EYS: variants seen among roughly 807,000 people sequenced by gnomAD.
The protein encoded by EYS is EGF-like photoreceptor maintenance factor, also known as protein eyes shut homolog.
In EYS, 250 loss-of-function variants were observed where a neutral mutation model predicts 282.1. That is an observed-to-expected ratio of 0.89 (90% CI 0.80 to 0.98). EYS has a LOEUF of 0.98. EYS is among the 50% of genes least tolerant of loss of function. EYS has a pLI of 0.00. For synonymous variants in EYS, 1,355 were observed against 1,282.9 expected, an observed-to-expected ratio of 1.06 and a Z score of -1.20; for missense variants, 4,016 against 3,709.0, an observed-to-expected ratio of 1.08 and a Z score of -2.15.
chr6:65,096,070 T>C (rs1187723748), intron 12 of EYS, among the ~76,000 whole-genome samples: 1 of 150,950 alleles, frequency 6.6e-6, no homozygotes, highest in African/African-American at 2.4e-5. Context: ...CAAAAATCTG[T>C]GAGAAATGAT....
chr6:65,008,596 A>T (rs1240006139), intron 13 of EYS, among the ~76,000 whole-genome samples: 1 of 152,200 alleles, frequency 6.6e-6, no homozygotes, highest in Non-Finnish European at 1.5e-5. Flanking sequence ...GACACTTTAA[A>T]AAAGATTGTC....
chr6:64,394,852 A>G (rs1245097877), intron 28 of EYS, among the ~76,000 whole-genome samples: 1 of 152,224 alleles, frequency 6.6e-6, no homozygotes, highest in Non-Finnish European at 1.5e-5. Flanking sequence ...GCAACTGACA[A>G]AATGGGAGAA....
chr6:64,908,839 C>A (rs554951271), intron 16 of EYS, among the ~76,000 whole-genome samples: 1 of 152,030 alleles, frequency 6.6e-6, no homozygotes, highest in Non-Finnish European at 1.5e-5. Flanking sequence ...TGTGGAAAAC[C>A]AATTAGGAAA....
chr6:65,331,199 A>C, intron 11 of EYS: 1 of 782,562 alleles, frequency 1.3e-6, no homozygotes, highest in Non-Finnish European at 1.6e-6. Context: ...CAATATTTTT[A>C]CTATTGCATT....
chr6:63,871,844 T>C (rs1772813662), intron 35 of EYS, among the ~76,000 whole-genome samples: 1 of 152,132 alleles, frequency 6.6e-6, no homozygotes, highest in Non-Finnish European at 1.5e-5. Context: ...TCTTCCTAGC[T>C]CTGCCGTTCT....
chr6:65,442,144 G>T (rs1768354581), intron 5 of EYS, among the ~76,000 whole-genome samples: 1 of 151,720 alleles, frequency 6.6e-6, no homozygotes, highest in Admixed American at 6.6e-5. Context: ...TAAAAAATAT[G>T]ACTATAATTT....
intron 42 of EYS, among the ~76,000 whole-genome samples, chr6:63,723,197 A>G (rs1174858838): frequency 6.6e-6 from 1 of 152,232 alleles, no homozygotes; most frequent in African/African-American, 2.4e-5. Flanking sequence ...TTAAAAATTC[A>G]TAACAAAGAA....
At chr6:64,077,622 T>C (rs1771817336) in intron 32 of EYS, among the ~76,000 whole-genome samples, 1 of 152,036 alleles carries the variant, frequency 6.6e-6, no homozygotes, top group Non-Finnish European at 1.5e-5. Context: ...ATTTGCCTCC[T>C]GGGACTTGGT....
rs1380886473 is a variant in EYS, at chr6:65,220,312, C to G, written c.2023+75551G>C. Among the ~76,000 whole-genome samples, 5 of 152,228 alleles carry G rather than the reference C, an allele frequency of 3.3e-5. No homozygotes were observed. The East Asian group carries it at 9.7e-4, about 29-fold the overall frequency. ...CCATGTACCTACCATGCACTAGACA[C>G]TCTGCTAGGTAGTGAGGGTAACACT... On this transcript the variant is annotated intron_variant, in intron 12 of 42. Coordinates refer to ENST00000503581, the MANE Select transcript of EYS (RefSeq NM_001142800.2).
At chr6:64,436,087 C>A in intron 28 of EYS, 87 bp downstream of exon 28, 2 of 723,822 alleles carry the variant, frequency 2.8e-6, no homozygotes, top group Non-Finnish European at 4.4e-6. Context: ...TCAGTATAAC[C>A]TCAATTTTGA....
At chr6:63,934,558 A>T (rs185978142) in intron 35 of EYS, among the ~76,000 whole-genome samples, 492 of 152,278 alleles carry the variant, frequency 3.2e-3, no homozygotes, top group Middle Eastern at 0.014. Flanking sequence ...ACCATGGAAT[A>T]CTATGCAGCC....
At chr6:65,516,144 A>T (rs1767125561) in intron 2 of EYS, among the ~76,000 whole-genome samples, 1 of 152,140 alleles carries the variant, frequency 6.6e-6, no homozygotes, top group Non-Finnish European at 1.5e-5. Context: ...AACCATTAAA[A>T]GAGAACATAT....
At chr6:65,032,567 A>C (rs140242870) in intron 13 of EYS, among the ~76,000 whole-genome samples, 1 of 152,188 alleles carries the variant, frequency 6.6e-6, no homozygotes, top group Non-Finnish European at 1.5e-5. Flanking sequence ...TCCTCTTTCA[A>C]ATTCTACCAT....
chr6:65,473,519 G>GTTTTGATTTT (rs1339110461), intron 5 of EYS, among the ~76,000 whole-genome samples: 1 of 151,672 alleles, frequency 6.6e-6, no homozygotes, highest in Non-Finnish European at 1.5e-5. Flanking sequence ...TGTGACACCT[G>GTTTTGATTTT]GATTTTGATT....
At chr6:65,380,711 C>T (rs548168758) in intron 8 of EYS, among the ~76,000 whole-genome samples, 1 of 152,126 alleles carries the variant, frequency 6.6e-6, no homozygotes, top group African/African-American at 2.4e-5. Context: ...AAAAATTTTG[C>T]AAACTATCCA....
rs1376989901 is a variant in EYS, at chr6:63,832,360, C to T, written c.7229-25988G>A. On this transcript the variant is annotated intron_variant, in intron 36 of 42. Transcript: ENST00000503581. Reference sequence around the variant, plus strand: ...AGAAAAGAGAGAAGAATCAAATAGACACAATAAAAAATGATGAAGGGGATA... The same window carrying T: ...AGAAAAGAGAGAAGAATCAAATAGATACAATAAAAAATGATGAAGGGGATA... Among the ~76,000 whole-genome samples, 6 of 151,976 alleles carry T rather than the reference C, an allele frequency of 3.9e-5. No individual in the cohort carries two copies. The East Asian group carries it at 9.6e-4, about 24-fold the overall frequency.
intron 19 of EYS, among the ~76,000 whole-genome samples, chr6:64,852,394 G>T (rs542755258): frequency 6.6e-6 from 1 of 152,208 alleles, no homozygotes; most frequent in African/African-American, 2.4e-5. Context: ...TCACATGCTG[G>T]ATGTTTCCTG....
chr6:65,065,564 T>C (rs1326975258), intron 12 of EYS, among the ~76,000 whole-genome samples: 1 of 151,612 alleles, frequency 6.6e-6, no homozygotes, highest in Non-Finnish European at 1.5e-5. Flanking sequence ...TTTTTTAATT[T>C]CTAGTAGAGA....
chr6:64,657,275 T>A (rs894100525), intron 22 of EYS, among the ~76,000 whole-genome samples: 1 of 152,202 alleles, frequency 6.6e-6, no homozygotes, highest in South Asian at 2.1e-4. Context: ...GTTTCCTGAA[T>A]ACAGCACACT....
Sources: gnomAD v4.1 joint callset for allele counts (sites outside exome capture counted in the v4.1 genomes callset) on GRCh38, gnomAD v4.1.1 for gene constraint, MANE v1.5 for transcripts, NCBI Gene and HGNC (gene_info 2026-07-23, HGNC 2026-07-21) for gene names.